The following PCSK6 variants were observed in gnomAD, a reference collection of about 807,000 sequenced individuals.
The protein encoded by PCSK6 is proprotein convertase subtilisin/kexin type 6.
PCSK6 carries 85 observed loss-of-function variants against 123.3 expected under a neutral mutation model. The observed-to-expected ratio is 0.69, with a 90% CI of 0.58 to 0.83. The LOEUF is 0.83. PCSK6 is among the 40% of genes least tolerant of loss of function. PCSK6 has a pLI of 0.00. For synonymous variants in PCSK6, 508 were observed against 516.0 expected, an observed-to-expected ratio of 0.98 and a Z score of 0.21; for missense variants, 1,191 against 1,282.3, an observed-to-expected ratio of 0.93 and a Z score of 1.09.
At chr15:101,358,826 G>A (rs1453899123) in intron 13 of PCSK6, among the ~76,000 whole-genome samples, 2 of 152,206 alleles carry the variant, frequency 1.3e-5, no homozygotes. Flanking sequence ...CACCCTGGGA[G>A]GATCCAGCCG....
rs111853487 is a variant in PCSK6 at position 101,357,219 on chromosome 15, T to C, written c.1858+8977A>G. ...ACTGCCTGCTTTTCTGGTCTACGCG[T>C]GTGTGTGTGCTGCACTGTGCCTGGC... On this transcript the variant is annotated intron_variant, in intron 13 of 21. Transcript: ENST00000611716. Among the ~76,000 whole-genome samples the C allele has an allele frequency of 4.4e-3, 673 of 152,290 alleles. 6 individuals carry two copies. Among genetic ancestry groups the C allele is most frequent in the African/African-American group, 0.015 (635 of 41,566 alleles).
intron 20 of PCSK6, chr15:101,309,071 T>C (rs1485145674): frequency 6.6e-6 from 1 of 152,268 alleles, no homozygotes; most frequent in Non-Finnish European, 1.5e-5. Context: ...GGGGCCTCGG[T>C]TTTCCATTGC....
chr15:101,442,134 T>A (rs1270643914), intron 2 of PCSK6, among the ~76,000 whole-genome samples: 1 of 152,194 alleles, frequency 6.6e-6, no homozygotes, highest in African/African-American at 2.4e-5. Flanking sequence ...TTCCTTCATG[T>A]TCCATGGTGT....
intron 16 of PCSK6, among the ~76,000 whole-genome samples, chr15:101,326,014 G>A (rs1473024100): frequency 1.3e-5 from 2 of 152,354 alleles, no homozygotes; most frequent in East Asian, 3.9e-4. Context: ...CATGTCCCCT[G>A]AGCTGGCCTG....
intron 7 of PCSK6, among the ~76,000 whole-genome samples, chr15:101,393,668 C>G (rs1252147097): frequency 6.6e-6 from 1 of 152,132 alleles, no homozygotes; most frequent in African/African-American, 2.4e-5. Context: ...GGGGAAGGGG[C>G]CAGAAAGACT....
chr15:101,454,804 G>A (rs112310217), intron 1 of PCSK6, among the ~76,000 whole-genome samples: 9,752 of 152,134 alleles, frequency 0.064, 965 homozygotes, highest in African/African-American at 0.22. Context: ...AATTAGCCGG[G>A]TATGGTGGCG....
chr15:101,418,856 T>A (rs989795528), intron 6 of PCSK6, among the ~76,000 whole-genome samples: 1 of 152,126 alleles, frequency 6.6e-6, no homozygotes, highest in African/African-American at 2.4e-5. Context: ...ACTACACAGA[T>A]TAAACAATAA....
chr15:101,408,616 G>C (rs1393229126), intron 6 of PCSK6, among the ~76,000 whole-genome samples: 2 of 152,154 alleles, frequency 1.3e-5, no homozygotes, highest in African/African-American at 2.4e-5. Context: ...GAGGAAGTGG[G>C]GAACACCCGC....
intron 13 of PCSK6, among the ~76,000 whole-genome samples, chr15:101,362,896 C>G (rs745618610): frequency 6.6e-6 from 1 of 152,180 alleles, no homozygotes; most frequent in Admixed American, 6.5e-5. Context: ...GAACCATAGA[C>G]CCTGGCTTTA....
chr15:101,453,376 G>A (rs533029559), intron 1 of PCSK6, among the ~76,000 whole-genome samples: 1 of 152,294 alleles, frequency 6.6e-6, no homozygotes, highest in East Asian at 1.9e-4. Flanking sequence ...TGTGTTAGTG[G>A]GAATGGATTT....
chr15:101,395,969 A>G (rs1263789910), intron 7 of PCSK6, among the ~76,000 whole-genome samples: 1 of 152,180 alleles, frequency 6.6e-6, no homozygotes, highest in Non-Finnish European at 1.5e-5. Context: ...CACATCATCT[A>G]CCAAAGATAA....
At chr15:101,374,373 C>G (rs563388037) in intron 11 of PCSK6, among the ~76,000 whole-genome samples, 29 of 152,254 alleles carry the variant, frequency 1.9e-4, no homozygotes, top group African/African-American at 6.7e-4. Flanking sequence ...GGAAGACGGG[C>G]CACAGGCTGA....
At chr15:101,389,397 A>G in intron 9 of PCSK6, 67 bp downstream of exon 9, 1 of 1,279,182 alleles carries the variant, frequency 7.8e-7, no homozygotes, top group Non-Finnish European at 1.1e-6. Context: ...AAAATGGCCA[A>G]TGTCATGTGT....
chr15:101,360,449 G>A (rs1174912883), intron 13 of PCSK6, among the ~76,000 whole-genome samples: 4 of 152,074 alleles, frequency 2.6e-5, no homozygotes, highest in African/African-American at 9.7e-5. Context: ...GCAGCCTCGG[G>A]GGCCTCTCTG....
intron 1 of PCSK6, among the ~76,000 whole-genome samples, chr15:101,485,111 G>A (rs1054057829): frequency 1.5e-4 from 23 of 152,164 alleles, no homozygotes; most frequent in African/African-American, 9.7e-5. Flanking sequence ...ACACTCTTCC[G>A]TGTCGGGAAA....
At chr15:101,320,173 C>T (rs2040084939) in intron 18 of PCSK6, among the ~76,000 whole-genome samples, 1 of 152,178 alleles carries the variant, frequency 6.6e-6, no homozygotes, top group Admixed American at 6.5e-5. Context: ...GCAACCTCCG[C>T]CTCCCAGGTT....
chr15:101,436,326 A>G (rs1008157810), intron 2 of PCSK6, among the ~76,000 whole-genome samples: 2 of 152,190 alleles, frequency 1.3e-5, no homozygotes, highest in African/African-American at 4.8e-5. Context: ...AAGGGAGTCA[A>G]GCTGCTGAGG....
chr15:101,394,290 T>C (rs1048492603), intron 7 of PCSK6, among the ~76,000 whole-genome samples: 2 of 152,114 alleles, frequency 1.3e-5, no homozygotes, highest in Admixed American at 6.5e-5. Context: ...CCGGTGTTCA[T>C]TGTTAAGAAC....
In PCSK6 at chr15:101,398,800, A is replaced by G. The variant is rs900848632; in HGVS notation, c.824-224T>C. Reference sequence around the variant, plus strand: ...AGAAAGCAAGCTACGTCCCAAAGAGAGGGTTCAGCTTCCCTCAGTGCTATG... The same window carrying G: ...AGAAAGCAAGCTACGTCCCAAAGAGGGGGTTCAGCTTCCCTCAGTGCTATG... On this transcript the variant is annotated intron_variant, in intron 6 of 21. Transcript: ENST00000611716. The surrounding 1 kb of genome is among the most constrained non-coding windows in gnomAD (Gnocchi z 4.6). 6.6e-6 allele frequency among the ~76,000 whole-genome samples: 1 copy of G among 152,172 alleles called. No homozygotes were observed. The highest frequency in any genetic ancestry group is 1.5e-5 in the Non-Finnish European group (1 of 68,036).
Sources: allele counts gnomAD v4.1 joint callset (sites outside exome capture counted in the v4.1 genomes callset), GRCh38; gene constraint gnomAD v4.1.1; non-coding constraint Gnocchi (gnomAD v3.1); transcripts MANE v1.5; gene names NCBI Gene and HGNC (gene_info 2026-07-23, HGNC 2026-07-21).